The following GNAZ variants were observed in gnomAD, a reference collection of about 807,000 sequenced individuals.
The protein encoded by GNAZ is G protein subunit alpha z, also known as guanine nucleotide-binding protein G(z) subunit alpha.
Under a neutral mutation model 25.4 loss-of-function variants are expected in GNAZ, and 3 were observed. The observed-to-expected ratio is 0.12, with a 90% CI of 0.05 to 0.30. GNAZ has a LOEUF of 0.30. Among genes scored for constraint, GNAZ ranks in the 10% least tolerant of loss-of-function variants. The pLI, the probability that GNAZ is intolerant of heterozygous loss-of-function variation, is 1.00. For synonymous variants in GNAZ, 211 were observed against 205.7 expected, an observed-to-expected ratio of 1.03 and a Z score of -0.22; for missense variants, 241 against 501.8, an observed-to-expected ratio of 0.48 and a Z score of 4.97.
intron 2 of GNAZ, among the ~76,000 whole-genome samples, chr22:23,121,638 C>T (rs780362538): frequency 6.6e-5 from 10 of 151,994 alleles, no homozygotes; most frequent in Non-Finnish European, 1.0e-4. Flanking sequence ...GCTGTTGCTT[C>T]GTGCCTGAGT....
chr22:23,075,812 A>T (rs2068493215), intron 1 of GNAZ, among the ~76,000 whole-genome samples: 1 of 152,146 alleles, frequency 6.6e-6, no homozygotes, highest in Admixed American at 6.5e-5. Flanking sequence ...GGCCCCTGGG[A>T]TGGAGAGCTG....
chr22:23,114,793 C>T (rs540374131), intron 2 of GNAZ, among the ~76,000 whole-genome samples: 15 of 152,316 alleles, frequency 9.8e-5, no homozygotes, highest in Admixed American at 2.6e-4. Context: ...GCTGCCACAC[C>T]GGCTCCAGCA....
intron 2 of GNAZ, among the ~76,000 whole-genome samples, chr22:23,103,676 A>G (rs2069372571): frequency 6.6e-6 from 1 of 152,152 alleles, no homozygotes; most frequent in African/African-American, 2.4e-5. Flanking sequence ...GGGCCATCTG[A>G]TGTTCTCCAT....
intron 2 of GNAZ, among the ~76,000 whole-genome samples, chr22:23,113,329 C>T (rs2069713412): frequency 6.6e-6 from 1 of 152,242 alleles, no homozygotes; most frequent in Admixed American, 6.5e-5. Flanking sequence ...CTCTGGCCAG[C>T]ACCGCCTCCC....
intron 1 of GNAZ, among the ~76,000 whole-genome samples, chr22:23,093,038 T>A (rs1406560713): frequency 6.6e-6 from 1 of 152,206 alleles, no homozygotes; most frequent in Non-Finnish European, 1.5e-5. Flanking sequence ...TGTCAGGTCG[T>A]CAGCAGGGAC....
intron 1 of GNAZ, among the ~76,000 whole-genome samples, chr22:23,077,888 C>G (rs1264264426): frequency 6.6e-6 from 1 of 152,236 alleles, no homozygotes; most frequent in Non-Finnish European, 1.5e-5. Flanking sequence ...CTCTTGCACC[C>G]CCACACTAGT....
In GNAZ at chr22:23,102,723, C is replaced by G. The variant is rs576004094; in HGVS notation, c.723+6305C>G. On this transcript the variant is annotated intron_variant, in intron 2 of 2. Transcript: ENST00000615612. The stretch of plus-strand genomic sequence containing the variant: ...ACCCCTCCATGATGGTCACCTCCTG[C>G]TGTGTCACTAGAGGCCATTCCCAGG... Among the ~76,000 whole-genome samples the G allele has an allele frequency of 4.6e-5, 7 of 152,368 alleles. No individual in the cohort carries two copies. In the South Asian group the frequency reaches 1.4e-3, roughly 32 times the overall value.
chr22:23,074,747 G>A (rs2068468197), intron 1 of GNAZ, among the ~76,000 whole-genome samples: 1 of 152,202 alleles, frequency 6.6e-6, no homozygotes, highest in African/African-American at 2.4e-5. Flanking sequence ...CAGTCACAGT[G>A]GCGCCTCGGG....
At chr22:23,115,548 G>A (rs1452986627) in intron 2 of GNAZ, among the ~76,000 whole-genome samples, 1 of 152,138 alleles carries the variant, frequency 6.6e-6, no homozygotes, top group Non-Finnish European at 1.5e-5. Flanking sequence ...GGAGCGAGGA[G>A]GAGGCCCAGA....
chr22:23,091,313 C>A (rs541152957), intron 1 of GNAZ, among the ~76,000 whole-genome samples: 103 of 152,198 alleles, frequency 6.8e-4, no homozygotes, highest in African/African-American at 2.4e-3. Flanking sequence ...TATGCATACA[C>A]GCACACATAC....
At chr22:23,123,051 C>T (rs201143217) in intron 2 of GNAZ, 36 bp from the exon 3 acceptor site, 71 of 1,392,670 alleles carry the variant, frequency 5.1e-5, no homozygotes, top group Admixed American at 2.5e-4. Context: ...CTGCCTGCTG[C>T]GGGCCTGATT....
chr22:23,119,037 G>A (rs2069933192), intron 2 of GNAZ, among the ~76,000 whole-genome samples: 1 of 152,248 alleles, frequency 6.6e-6, no homozygotes, highest in Non-Finnish European at 1.5e-5. Context: ...GAGGCCAGCA[G>A]AAGGCATGCT....
chr22:23,123,443 C>G lies in GNAZ; in HGVS notation c.*12C>G. 1 of 1,565,304 alleles carries G rather than the reference C, an allele frequency of 6.4e-7. No homozygotes were observed. The highest frequency in any genetic ancestry group is 8.8e-7 in the Non-Finnish European group (1 of 1,142,056). Reference sequence around the variant, plus strand: ...TTGGCCTTTGCTGAGGAGCTGGGCCCGGGGCCCGCCTGCCTATGGTGAAAC... The same window carrying G: ...TTGGCCTTTGCTGAGGAGCTGGGCCGGGGGCCCGCCTGCCTATGGTGAAAC... On this transcript the variant is annotated 3_prime_UTR_variant, in exon 3 of 3. Coordinates refer to ENST00000615612, the MANE Select transcript of GNAZ (RefSeq NM_002073.4).
At chr22:23,101,326 G>A (rs1338917223) in intron 2 of GNAZ, among the ~76,000 whole-genome samples, 1 of 152,132 alleles carries the variant, frequency 6.6e-6, no homozygotes, top group Non-Finnish European at 1.5e-5. Flanking sequence ...CACCATACTG[G>A]TCCCACATCC....
intron 2 of GNAZ, 116 bp downstream of exon 2, chr22:23,096,534 C>A: frequency 9.2e-7 from 1 of 1,083,624 alleles, no homozygotes. Flanking sequence ...AGGCGCAGGC[C>A]TGGCCCTGCT....
intron 1 of GNAZ, among the ~76,000 whole-genome samples, chr22:23,091,453 T>C (rs1483665083): frequency 6.7e-6 from 1 of 148,568 alleles, no homozygotes; most frequent in African/African-American, 2.5e-5. Flanking sequence ...CACAGGGTCC[T>C]ATGCATACAC....
chr22:23,115,516 G>C (rs1481357909), intron 2 of GNAZ, among the ~76,000 whole-genome samples: 7 of 152,178 alleles, frequency 4.6e-5, no homozygotes, highest in Non-Finnish European at 1.0e-4. Flanking sequence ...CCTCCTGGAG[G>C]GGGTCTCGGG....
intron 1 of GNAZ, among the ~76,000 whole-genome samples, chr22:23,076,815 A>C (rs989888292): frequency 1.3e-5 from 2 of 152,210 alleles, no homozygotes; most frequent in African/African-American, 4.8e-5. Flanking sequence ...CCTGTGCCCC[A>C]AGATCAAGGA....
intron 1 of GNAZ, among the ~76,000 whole-genome samples, chr22:23,082,747 G>A (rs942341232): frequency 6.6e-6 from 1 of 151,946 alleles, no homozygotes; most frequent in African/African-American, 2.4e-5. Context: ...CCACCCAAGC[G>A]GAAGAGTCCA....
Sources: gnomAD v4.1 joint callset for allele counts (sites outside exome capture counted in the v4.1 genomes callset) on GRCh38, gnomAD v4.1.1 for gene constraint, MANE v1.5 for transcripts, NCBI Gene and HGNC (gene_info 2026-07-23, HGNC 2026-07-21) for gene names.